Variants in AGL observed in about 807,000 individuals in gnomAD.
The protein encoded by AGL is amylo-alpha-1,6-glucosidase and 4-alpha-glucanotransferase.
AGL carries 128 observed loss-of-function variants against 199.3 expected under a neutral mutation model. The ratio of observed to expected loss-of-function variants is 0.64; its 90% CI spans 0.56 to 0.74. The LOEUF (loss-of-function observed/expected upper bound fraction) is 0.74. Ranked by LOEUF, AGL falls within the 30% of genes least tolerant of loss-of-function variation. The probability of loss-of-function intolerance (pLI) is 0.00; values close to 1 mark genes in which losing one functional copy is unlikely to be tolerated. For missense variants in AGL, 1,809 were observed against 1,820.8 expected (o/e 0.99, Z 0.12); for synonymous variants, 584 against 594.7 (o/e 0.98, Z 0.26).
At chr1:99,889,636 G>A (rs1428279058) in intron 21 of AGL, among the ~76,000 whole-genome samples, 2 of 152,002 alleles carry the variant, frequency 1.3e-5, no homozygotes, top group East Asian at 3.8e-4. Flanking sequence ...TATGTTATCA[G>A]ATTTGAGTAA....
At chr1:99,856,035 G>T (rs760356383) in intron 2 of AGL, among the ~76,000 whole-genome samples, 10 of 152,194 alleles carry the variant, frequency 6.6e-5, no homozygotes, top group Non-Finnish European at 8.8e-5. Context: ...GCCTACAAGA[G>T]AGACATGGCT....
At chr1:99,853,897 CAAAAAT>C (rs1220239462) in intron 2 of AGL, among the ~76,000 whole-genome samples, 2 of 145,328 alleles carry the variant, frequency 1.4e-5, no homozygotes, top group African/African-American at 5.1e-5. Context: ...CTTTAAAAAA[CAAAAAT>C]AAAGGGCCGG....
At chr1:99,863,215 G>A (rs887541939) in intron 4 of AGL, among the ~76,000 whole-genome samples, 1 of 151,940 alleles carries the variant, frequency 6.6e-6, no homozygotes, top group Non-Finnish European at 1.5e-5. Context: ...TGGGATTATA[G>A]GCATGAGCTG....
intron 24 of AGL, 39 bp downstream of exon 24, chr1:99,892,646 T>C (rs1652995697): frequency 6.3e-7 from 1 of 1,579,044 alleles, no homozygotes; most frequent in Non-Finnish European, 8.7e-7. Context: ...TGTAAATCGA[T>C]AGTATTCGCG....
In AGL at chr1:99,921,662, A is replaced by T. The variant is rs1365618302; in HGVS notation, c.*11A>T. 1 of 1,558,186 alleles carries T rather than the reference A, an allele frequency of 6.4e-7. No homozygotes were observed. The highest frequency in any genetic ancestry group is 8.8e-7 in the Non-Finnish European group (1 of 1,130,250). On this transcript the variant is annotated 3_prime_UTR_variant, in exon 34 of 34. Coordinates refer to ENST00000361915, the MANE Select transcript of AGL (RefSeq NM_000642.3). ...CTTTATGATTTATAGTTTATTACAG[A>T]TATTAAGTATGCAATTACTTGTATT...
At chr1:99,917,053 G>A (rs1655174514) in intron 33 of AGL, among the ~76,000 whole-genome samples, 1 of 152,078 alleles carries the variant, frequency 6.6e-6, no homozygotes, top group African/African-American at 2.4e-5. Flanking sequence ...CTCAGCCTGG[G>A]CCTTTTGAGT....
chr1:99,895,599 G>T (rs1204036650), intron 24 of AGL, among the ~76,000 whole-genome samples: 1 of 152,082 alleles, frequency 6.6e-6, no homozygotes. Context: ...TCAAGGTAGA[G>T]TCTTTTTAAA....
chr1:99,859,743 T>C (rs1236643355), intron 2 of AGL, among the ~76,000 whole-genome samples: 1 of 152,170 alleles, frequency 6.6e-6, no homozygotes, highest in Non-Finnish European at 1.5e-5. Context: ...GGTTTCACCA[T>C]GTTGGTCAGG....
At chr1:99,910,677 A>C (rs762799210) in intron 27 of AGL, 35 bp from the exon 28 acceptor site, 2 of 1,311,456 alleles carry the variant, frequency 1.5e-6, no homozygotes, top group South Asian at 2.7e-5. Flanking sequence ...TATAATACTT[A>C]TAAAATTTTA....
chr1:99,899,939 T>C (rs1273294432), intron 25 of AGL, among the ~76,000 whole-genome samples: 1 of 144,454 alleles, frequency 6.9e-6, no homozygotes, highest in Non-Finnish European at 1.5e-5. Context: ...TTCTTTCTTC[T>C]TTTTTTTTTT....
intron 7 of AGL, among the ~76,000 whole-genome samples, chr1:99,874,186 G>T (rs1651276194): frequency 6.6e-6 from 1 of 150,600 alleles, no homozygotes; most frequent in Non-Finnish European, 1.5e-5. Context: ...TCTTGAAAAA[G>T]AACTCCTGAG....
In AGL at chr1:99,884,679, C is replaced by G; in HGVS notation, c.2657C>G (p.Pro886Arg). ...SGSLAVDNAD[P>R]ILKIPFASLA... Reference sequence around the variant, plus strand: ...AGCCTAGCTGTTGACAATGCAGATCCTATATTAAAAATTCCTTTTGCTTCG... The same window carrying G: ...AGCCTAGCTGTTGACAATGCAGATCGTATATTAAAAATTCCTTTTGCTTCG... Residue 886 changes from proline (P) to arginine (R), a missense_variant, in exon 20 of 34, where the codon CCT becomes CGT. By Grantham distance (103) the Pro-to-Arg change is moderately radical. Transcript: ENST00000361915. The G allele has an allele frequency of 6.2e-7, 1 of 1,613,936 alleles. No homozygotes were observed. The highest frequency in any genetic ancestry group is 1.1e-5 in the South Asian group (1 of 91,086).
chr1:99,896,039 C>G (rs909461648), intron 24 of AGL, among the ~76,000 whole-genome samples: 2 of 152,180 alleles, frequency 1.3e-5, no homozygotes, highest in Non-Finnish European at 2.9e-5. Context: ...CTCTATAGCT[C>G]TGGTTCTTAA....
chr1:99,892,603 T>A lies in AGL; in HGVS notation c.3255T>A (p.Ala1085=). 6.2e-7 allele frequency: 1 copy of A among 1,613,202 alleles called. No homozygotes were observed. The highest frequency in any genetic ancestry group is 1.7e-5 in the Admixed American group (1 of 59,958). Residue 1085 remains alanine (A), a synonymous_variant, in exon 24 of 34, where the codon GCT becomes GCA. Coordinates refer to ENST00000361915, the MANE Select transcript of AGL (RefSeq NM_000642.3). ...AGGAGCAATGTTGTGTTTCTCTAGCTGCAGGTAAGGAATTATGTACAAGGT... is the reference window on the plus strand; with the variant it reads ...AGGAGCAATGTTGTGTTTCTCTAGCAGCAGGTAAGGAATTATGTACAAGGT... The part of the protein sequence containing the change: ...KEKEQCCVSL[A]AGLPHFSSGI...
intron 2 of AGL, among the ~76,000 whole-genome samples, chr1:99,857,261 G>A (rs982182780): frequency 6.6e-6 from 1 of 151,820 alleles, no homozygotes; most frequent in Non-Finnish European, 1.5e-5. Flanking sequence ...ATGGGCGGCC[G>A]GGCAGAGACG....
Position 99,902,684 on chromosome 1 carries a change from A to T in AGL, c.3590A>T (p.Asp1197Val). 6.2e-7 allele frequency: 1 copy of T among 1,609,702 alleles called. No homozygotes were observed. Among genetic ancestry groups the T allele is most frequent in the Non-Finnish European group, 8.5e-7 (1 of 1,176,168 alleles). ...DSAPLPAGTLDQPLFEVIQEA... is the reference protein window; with the variant it reads ...DSAPLPAGTLVQPLFEVIQEA... ...TAACACCCATTATGTCTCAAACAGG[A>T]TCAGCCATTGTTTGAAGTCATACAG... Residue 1197 changes from aspartate (D) to valine (V), a missense_variant and splice_region_variant, in exon 27 of 34, where the codon GAT becomes GTT. Coordinates refer to ENST00000361915, the MANE Select transcript of AGL (RefSeq NM_000642.3).
chr1:99,864,669 GAAGA>G (rs2101094671), intron 5 of AGL, 80 bp downstream of exon 5: 3 of 1,317,064 alleles, frequency 2.3e-6, no homozygotes, highest in Non-Finnish European at 3.2e-6. Flanking sequence ...TAAGAGAAAG[GAAGA>G]AAGAAAGAGA....
Position 99,912,424 on chromosome 1 carries a change from A to G in AGL, c.3856A>G (p.Ile1286Val), listed in dbSNP as rs1418613456. The change falls in exon 29 of 34, where the codon ATT (isoleucine) becomes GTT (valine). Residue 1286 changes from isoleucine (I) to valine (V), a missense_variant. Transcript: ENST00000361915. ...TTTTAGAGATGGGTCTGCTGTGGAA[A>G]TTGTGGGCCTGAGTAAATCTGCTGT... ...ATPRDGSAVE[I>V]VGLSKSAVRW... 1 of 1,614,036 alleles carries G rather than the reference A, an allele frequency of 6.2e-7. No homozygotes were observed. The highest frequency in any genetic ancestry group is 1.7e-5 in the Admixed American group (1 of 60,014).
chr1:99,894,203 T>G (rs1310299229), intron 24 of AGL, among the ~76,000 whole-genome samples: 2 of 151,816 alleles, frequency 1.3e-5, no homozygotes, highest in Non-Finnish European at 1.5e-5. Context: ...AAAAAAAAAT[T>G]TGTAGCCTGT....
Sources: allele counts gnomAD v4.1 joint callset (sites outside exome capture counted in the v4.1 genomes callset), GRCh38; gene constraint gnomAD v4.1.1; transcripts MANE v1.5; gene names NCBI Gene and HGNC (gene_info 2026-07-23, HGNC 2026-07-21).